MAGI2: variants seen among roughly 807,000 people sequenced by gnomAD.
The protein encoded by MAGI2 is membrane-associated guanylate kinase, WW and PDZ domain-containing protein 2.
A neutral mutation model predicts 133.3 loss-of-function variants in MAGI2; 35 were observed. That is an observed-to-expected ratio of 0.26 (90% CI 0.20 to 0.35). The LOEUF (loss-of-function observed/expected upper bound fraction) is 0.35, where lower values mean the gene tolerates loss of function less well. Among genes scored for constraint, MAGI2 ranks in the 10% least tolerant of loss-of-function variants. The probability of loss-of-function intolerance (pLI) is 1.00; values close to 1 mark genes in which losing one functional copy is unlikely to be tolerated. For synonymous variants in MAGI2, 729 were observed against 710.6 expected (o/e 1.03, Z -0.41); for missense variants, 1,636 against 1,863.4 (o/e 0.88, Z 2.25).
At chr7:78,900,167 A>G (rs1020933833) in intron 2 of MAGI2, among the ~76,000 whole-genome samples, 1 of 152,082 alleles carries the variant, frequency 6.6e-6, no homozygotes, top group African/African-American at 2.4e-5. Flanking sequence ...TCACGTCCAA[A>G]CCACTACCAT....
chr7:78,366,943 C>T (rs868207021), intron 7 of MAGI2, among the ~76,000 whole-genome samples: 1 of 152,094 alleles, frequency 6.6e-6, no homozygotes, highest in African/African-American at 2.4e-5. Flanking sequence ...CCTGTATATA[C>T]AACCTCCCGA....
intron 6 of MAGI2, among the ~76,000 whole-genome samples, chr7:78,475,232 T>C (rs536708054): frequency 5.5e-4 from 84 of 152,114 alleles, no homozygotes; most frequent in Non-Finnish European, 9.9e-4. Flanking sequence ...AACAGCTGGC[T>C]TTGCTCTCAA....
chr7:78,075,543 A>AT (rs1259855646), intron 21 of MAGI2, among the ~76,000 whole-genome samples: 1 of 151,388 alleles, frequency 6.6e-6, no homozygotes, highest in African/African-American at 2.4e-5. Context: ...CACCCGGCTA[A>AT]TTTTTTGTAT....
chr7:79,108,798 A>G (rs1818661042), intron 1 of MAGI2, among the ~76,000 whole-genome samples: 1 of 152,182 alleles, frequency 6.6e-6, no homozygotes, highest in Non-Finnish European at 1.5e-5. Context: ...TGTTTAGATC[A>G]TAGGGGTGGA....
intron 2 of MAGI2, among the ~76,000 whole-genome samples, chr7:78,836,247 A>G (rs1428323953): frequency 6.6e-6 from 1 of 152,218 alleles, no homozygotes; most frequent in Non-Finnish European, 1.5e-5. Context: ...ATGGAAGTCA[A>G]TAAATATATC....
At chr7:78,540,668 C>T (rs1016778760) in intron 3 of MAGI2, among the ~76,000 whole-genome samples, 1 of 152,150 alleles carries the variant, frequency 6.6e-6, no homozygotes, top group Non-Finnish European at 1.5e-5. Flanking sequence ...GTTTCCTTCT[C>T]TCTGTGGTCC....
intron 1 of MAGI2, among the ~76,000 whole-genome samples, chr7:79,105,595 C>G (rs550906839): frequency 6.6e-6 from 1 of 152,290 alleles, no homozygotes; most frequent in South Asian, 2.1e-4. Context: ...ACTTGCTTCT[C>G]AGCTGCCTCT....
At chr7:79,276,416 T>A (rs1835230776) in intron 1 of MAGI2, among the ~76,000 whole-genome samples, 1 of 152,190 alleles carries the variant, frequency 6.6e-6, no homozygotes, top group African/African-American at 2.4e-5. Flanking sequence ...CCATCAATTT[T>A]GATGCAAGAG....
At chr7:78,837,030 A>G (rs111852982) in intron 2 of MAGI2, among the ~76,000 whole-genome samples, 1,795 of 152,264 alleles carry the variant, frequency 0.012, 21 homozygotes, top group Non-Finnish European at 0.017. Flanking sequence ...AAACAAATTC[A>G]TTTCGTTTTT....
chr7:78,488,511 G>A (rs1002029238), intron 6 of MAGI2, among the ~76,000 whole-genome samples: 1 of 150,664 alleles, frequency 6.6e-6, no homozygotes, highest in African/African-American at 2.5e-5. Context: ...GTTAGAACAG[G>A]TCATGTTAAT....
chr7:78,955,038 TG>T (rs1408591044), intron 2 of MAGI2, among the ~76,000 whole-genome samples: 14 of 152,106 alleles, frequency 9.2e-5, no homozygotes, highest in Admixed American at 6.6e-5. Context: ...AAAGAAGTCC[TG>T]TTGGCACAAA....
At chr7:78,113,397 C>T (rs1289677960) in intron 20 of MAGI2, among the ~76,000 whole-genome samples, 1 of 152,142 alleles carries the variant, frequency 6.6e-6, no homozygotes, top group Non-Finnish European at 1.5e-5. Flanking sequence ...AAGATGCTCT[C>T]CGTACCTCTG....
intron 1 of MAGI2, among the ~76,000 whole-genome samples, chr7:79,204,702 T>C (rs1275088986): frequency 6.6e-6 from 1 of 151,324 alleles, no homozygotes; most frequent in African/African-American, 2.4e-5. Flanking sequence ...TTCAAGAAAA[T>C]ACAGAAAAAT....
At chr7:78,451,818 G>C (rs931038675) in intron 6 of MAGI2, among the ~76,000 whole-genome samples, 4 of 152,168 alleles carry the variant, frequency 2.6e-5, no homozygotes, top group African/African-American at 9.6e-5. Context: ...AATATATGTT[G>C]TATCATTCAA....
chr7:79,309,027 C>A (rs1325336428), intron 1 of MAGI2, among the ~76,000 whole-genome samples: 1 of 152,014 alleles, frequency 6.6e-6, no homozygotes, highest in Non-Finnish European at 1.5e-5. Context: ...TTATTTCATT[C>A]CCACCTATCC....
chr7:78,928,620 G>T (rs1011211993), intron 2 of MAGI2, among the ~76,000 whole-genome samples: 1 of 152,048 alleles, frequency 6.6e-6, no homozygotes, highest in Non-Finnish European at 1.5e-5. Flanking sequence ...TAGAAGCAAG[G>T]TGCTTAGGTA....
intron 3 of MAGI2, among the ~76,000 whole-genome samples, chr7:78,571,517 A>G (rs569272515): frequency 1.1e-3 from 174 of 152,334 alleles, no homozygotes; most frequent in African/African-American, 3.7e-3. Context: ...AAAAGTGTTT[A>G]TAGAACATCT....
At chr7:78,775,455 T>A (rs1583840216) in intron 2 of MAGI2, among the ~76,000 whole-genome samples, 1 of 151,390 alleles carries the variant, frequency 6.6e-6, no homozygotes, top group East Asian at 2.0e-4. Context: ...AAGATTGTTA[T>A]GAAACCAACT....
intron 1 of MAGI2, among the ~76,000 whole-genome samples, chr7:79,103,723 A>G (rs1818190762): frequency 2.0e-5 from 3 of 151,770 alleles, no homozygotes; most frequent in African/African-American, 4.8e-5. Flanking sequence ...TTTTTGAGAC[A>G]GAGTCTCAGT....
Sources: allele counts gnomAD v4.1 joint callset (sites outside exome capture counted in the v4.1 genomes callset), GRCh38; gene constraint gnomAD v4.1.1; transcripts MANE v1.5; gene names NCBI Gene and HGNC (gene_info 2026-07-23, HGNC 2026-07-21).